The following HPSE2 variants were observed in gnomAD, a reference collection of about 807,000 sequenced individuals.
HPSE2 encodes heparanase 2 (inactive), also known as inactive heparanase-2.
In HPSE2, 38 loss-of-function variants were observed where a neutral mutation model predicts 60.5. The observed-to-expected ratio is 0.63, with a 90% CI of 0.48 to 0.82. The LOEUF is 0.82. HPSE2 is among the 40% of genes least tolerant of loss of function. The pLI is 0.00. For missense variants in HPSE2, 713 were observed against 740.4 expected, an observed-to-expected ratio of 0.96 and a Z score of 0.43; for synonymous variants, 295 against 293.2, an observed-to-expected ratio of 1.01 and a Z score of -0.06.
At chr10:98,896,291 G>C (rs555550517) in intron 3 of HPSE2, among the ~76,000 whole-genome samples, 1 of 151,984 alleles carries the variant, frequency 6.6e-6, no homozygotes, top group African/African-American at 2.4e-5. Context: ...ATTATACATT[G>C]GTGGAAACTA....
the HPSE2 span, among the ~76,000 whole-genome samples, chr10:99,309,496 CCAGATGGCT>C: frequency 6.6e-6 from 1 of 152,122 alleles, no homozygotes; most frequent in South Asian, 2.1e-4. Context: ...TACACACCAA[CCAGATGGCT>C]AAAATGAAAA....
intron 6 of HPSE2, among the ~76,000 whole-genome samples, chr10:98,687,394 T>G (rs1351052167): frequency 6.6e-6 from 1 of 152,174 alleles, no homozygotes; most frequent in Admixed American, 6.5e-5. Context: ...TTCTCCAACC[T>G]CCTCTCTATT....
intron 3 of HPSE2, among the ~76,000 whole-genome samples, chr10:99,139,769 G>C (rs1029295697): frequency 3.3e-4 from 50 of 152,090 alleles, no homozygotes; most frequent in African/African-American, 1.2e-3. Context: ...TTTTACATTA[G>C]TGTCAGGAGA....
intron 7 of HPSE2, among the ~76,000 whole-genome samples, chr10:98,633,368 G>A (rs919595582): frequency 6.6e-6 from 1 of 151,754 alleles, no homozygotes; most frequent in Non-Finnish European, 1.5e-5. Context: ...CCCAGCTAAT[G>A]TTTGTTTTCT....
At chr10:98,692,604 TA>T (rs1381760968) in intron 6 of HPSE2, among the ~76,000 whole-genome samples, 1 of 151,822 alleles carries the variant, frequency 6.6e-6, no homozygotes, top group Non-Finnish European at 1.5e-5. Flanking sequence ...CCGTCTCTAC[TA>T]AAAAATACAA....
intron 3 of HPSE2, among the ~76,000 whole-genome samples, chr10:99,099,487 C>T (rs866467314): frequency 1.3e-4 from 20 of 152,332 alleles, no homozygotes; most frequent in African/African-American, 3.6e-4. Context: ...GTAAACAAAG[C>T]AGGCTGGAAG....
At chr10:98,607,078 TCTCC>T (rs976304041) in intron 9 of HPSE2, among the ~76,000 whole-genome samples, 25 of 98,246 alleles carry the variant, frequency 2.5e-4, no homozygotes, top group South Asian at 1.2e-3. Context: ...TCCCTCCCTC[TCTCC>T]CTCCCTCCCT....
intron 3 of HPSE2, among the ~76,000 whole-genome samples, chr10:98,865,606 T>C (rs1484506439): frequency 1.3e-5 from 2 of 152,106 alleles, no homozygotes; most frequent in Non-Finnish European, 2.9e-5. Flanking sequence ...AATAAAGGGA[T>C]GCATGGAGAC....
chr10:98,777,231 A>T (rs1040038150), intron 3 of HPSE2, among the ~76,000 whole-genome samples: 1 of 152,164 alleles, frequency 6.6e-6, no homozygotes, highest in South Asian at 2.1e-4. Context: ...TCTCATCCCT[A>T]TCACCTTGGG....
At chr10:98,723,269 C>T (rs1018786625) in intron 4 of HPSE2, among the ~76,000 whole-genome samples, 4 of 152,074 alleles carry the variant, frequency 2.6e-5, no homozygotes, top group Admixed American at 1.3e-4. Context: ...ATTACATTTA[C>T]TGATTTTTGT....
At chr10:99,273,640 C>G in the HPSE2 span, among the ~76,000 whole-genome samples, 1 of 152,122 alleles carries the variant, frequency 6.6e-6, no homozygotes, top group Non-Finnish European at 1.5e-5. Context: ...CCAAGAGAAA[C>G]AGAGGACATA....
chr10:99,247,880 C>T, the HPSE2 span, among the ~76,000 whole-genome samples: 185 of 152,338 alleles, frequency 1.2e-3, no homozygotes, highest in Middle Eastern at 0.01. Context: ...CCTACCCCTT[C>T]TCTCTCTATC....
chr10:98,735,461 T>C (rs1949333035), intron 4 of HPSE2, among the ~76,000 whole-genome samples: 1 of 150,972 alleles, frequency 6.6e-6, no homozygotes, highest in African/African-American at 2.4e-5. Context: ...AGAAGTGGGG[T>C]TGAAGCCCCC....
intron 3 of HPSE2, among the ~76,000 whole-genome samples, chr10:99,046,448 T>C (rs1347993526): frequency 6.6e-6 from 1 of 152,048 alleles, no homozygotes; most frequent in Non-Finnish European, 1.5e-5. Context: ...CTCACTACTG[T>C]TATTCAACAT....
chr10:98,561,033 C>T (rs867934733), intron 9 of HPSE2, among the ~76,000 whole-genome samples: 13 of 152,240 alleles, frequency 8.5e-5, no homozygotes, highest in African/African-American at 3.1e-4. Context: ...TTAACAGCCT[C>T]AGGCAGATCC....
At position 98,740,761 on chromosome 10, in the gene HPSE2, T is replaced by C. The variant is rs146168624; in HGVS notation, c.784+3122A>G. Among the ~76,000 whole-genome samples, 886 of 152,310 alleles carry C rather than the reference T, an allele frequency of 5.8e-3. 7 individuals carry two copies. Among genetic ancestry groups the C allele is most frequent in the African/African-American group, 0.02 (831 of 41,564 alleles). ...GTGATAAGAAGACTGACCTGTTCTA[T>C]TGTCCTTTCCTGAATGTGAATATAA... On this transcript the variant is annotated intron_variant, in intron 4 of 11. Transcript: ENST00000370552.
rs549761369 is a variant in HPSE2, at chr10:99,220,981, A to G, written c.448+11367T>C. Among the ~76,000 whole-genome samples the G allele has an allele frequency of 6.9e-4, 104 of 149,898 alleles. 1 individual carries two copies. The highest frequency in any genetic ancestry group is 8.9e-4 in the Non-Finnish European group (60 of 67,628). ...CGCCTCAGCCTCCCAAGTAGCTGGG[A>G]TTACAGGTGCCCGCCATCACGCCCA... On this transcript the variant is annotated intron_variant, in intron 2 of 11. Coordinates refer to ENST00000370552, the MANE Select transcript of HPSE2 (RefSeq NM_021828.5).
intron 3 of HPSE2, among the ~76,000 whole-genome samples, chr10:99,066,438 T>C (rs1842620666): frequency 6.6e-6 from 1 of 152,186 alleles, no homozygotes; most frequent in Non-Finnish European, 1.5e-5. Context: ...TATTAGTCTG[T>C]TCTCATGATG....
the HPSE2 span, among the ~76,000 whole-genome samples, chr10:99,267,682 A>G: frequency 1.2e-4 from 18 of 151,848 alleles, no homozygotes; most frequent in Admixed American, 9.2e-4. Flanking sequence ...CGGGAGGCTG[A>G]GGCAAGAGAA....
Sources: allele counts gnomAD v4.1 joint callset (sites outside exome capture counted in the v4.1 genomes callset), GRCh38; gene constraint gnomAD v4.1.1; transcripts MANE v1.5; gene names NCBI Gene and HGNC (gene_info 2026-07-23, HGNC 2026-07-21).